Variants in MCC observed in about 807,000 individuals in gnomAD.
MCC encodes colorectal mutant cancer protein.
MCC carries 90 observed loss-of-function variants against 116.2 expected under a neutral mutation model. The ratio of observed to expected loss-of-function variants is 0.77; its 90% CI spans 0.65 to 0.92. The LOEUF (loss-of-function observed/expected upper bound fraction) is 0.92, where lower values mean the gene tolerates loss of function less well. Ranked by LOEUF, MCC falls within the 40% of genes least tolerant of loss-of-function variation. The pLI, the probability that MCC is intolerant of heterozygous loss-of-function variation, is 0.00. For synonymous variants in MCC, 578 were observed against 510.5 expected, an observed-to-expected ratio of 1.13 and a Z score of -1.78; for missense variants, 1,516 against 1,312.2, an observed-to-expected ratio of 1.16 and a Z score of -2.40.
intron 15 of MCC, 84 bp downstream of exon 15, chr5:113,053,641 C>T (rs963915525): frequency 1.0e-6 from 1 of 964,226 alleles, no homozygotes; most frequent in South Asian, 1.5e-5. Flanking sequence ...GTTGATTCCT[C>T]CTTATCTGCT....
chr5:113,167,024 A>G (rs936715440), intron 3 of MCC, among the ~76,000 whole-genome samples: 4 of 152,174 alleles, frequency 2.6e-5, no homozygotes, highest in African/African-American at 9.7e-5. Flanking sequence ...AAACCTTTCC[A>G]GTCGGGGCGA....
chr5:113,284,946 C>T (rs535402876), intron 3 of MCC, among the ~76,000 whole-genome samples: 1 of 152,210 alleles, frequency 6.6e-6, no homozygotes, highest in South Asian at 2.1e-4. Context: ...ATTCAAAACC[C>T]ACCTATATTA....
intron 3 of MCC, among the ~76,000 whole-genome samples, chr5:113,187,313 T>C (rs1210603970): frequency 6.6e-6 from 1 of 152,204 alleles, no homozygotes; most frequent in Non-Finnish European, 1.5e-5. Flanking sequence ...TTTGCCATGT[T>C]GGCCAGGCTC....
chr5:113,371,468 C>T (rs1190131265), intron 2 of MCC, among the ~76,000 whole-genome samples: 2 of 152,130 alleles, frequency 1.3e-5, no homozygotes, highest in Non-Finnish European at 2.9e-5. Flanking sequence ...AAAGAAAACA[C>T]TATAATTATA....
Position 113,488,331 on chromosome 5 carries a change from G to A in MCC, c.84C>T (p.Ser28=), listed in dbSNP as rs758641370. Residue 28 remains serine, a synonymous_variant, in exon 1 of 19, where the codon AGC becomes AGT. Coordinates refer to ENST00000408903, the MANE Select transcript of MCC (RefSeq NM_001085377.2). ...GGGGSGSSSS[S]SDTSSTGEEE... is the part of the protein sequence containing the mutation. ...CCTCGCCGGTGCTGGACGTGTCGCT[G>A]CTGCTGCTGCTGCTGCCGCTGCCGC... 17 of 1,451,598 alleles carry A rather than the reference G, an allele frequency of 1.2e-5. No homozygotes were observed. The highest frequency in any genetic ancestry group is 2.4e-5 in the Admixed American group (1 of 41,456). 89.9% of individuals were successfully genotyped at this position (1,451,598 alleles called of 1,614,324 possible). A position where few individuals can be genotyped will look rare whatever the true frequency, so the allele number is the denominator to read the frequency against.
In MCC at chr5:113,046,705, AAAAAAAG is replaced by A. The variant is rs1580917227; in HGVS notation, c.2655+2381_2655+2387del. 2.8e-5 allele frequency among the ~76,000 whole-genome samples: 4 copies of A among 141,188 alleles called. 1 individual carries two copies. In the East Asian group the frequency reaches 8.2e-4, roughly 29 times the overall value. 92.6% of individuals were successfully genotyped at this position (141,188 alleles called of 152,430 possible). ...AAAGGCAAAAAAAAAAAAAAAAAAA[AAAAAAAG>A]AGAGAGATTTTGAAGGTGTTTGTAT... On this transcript the variant is annotated intron_variant, in intron 16 of 18. Coordinates refer to ENST00000408903, the MANE Select transcript of MCC (RefSeq NM_001085377.2).
At chr5:113,275,491 G>T (rs1765787561) in intron 3 of MCC, among the ~76,000 whole-genome samples, 1 of 152,126 alleles carries the variant, frequency 6.6e-6, no homozygotes, top group South Asian at 2.1e-4. Context: ...AGCTACCTCT[G>T]TGATTAAAAA....
At chr5:113,322,295 G>A (rs1767439899) in intron 3 of MCC, among the ~76,000 whole-genome samples, 1 of 152,094 alleles carries the variant, frequency 6.6e-6, no homozygotes, top group Non-Finnish European at 1.5e-5. Context: ...CAGTTTGACT[G>A]CACACTTTTC....
intron 3 of MCC, among the ~76,000 whole-genome samples, chr5:113,190,667 CACA>C (rs1561442831): frequency 1.3e-5 from 2 of 152,100 alleles, no homozygotes; most frequent in South Asian, 2.1e-4. Flanking sequence ...CAGGAGCTAG[CACA>C]ACAATACAGA....
chr5:113,146,508 ACCAAAGAGAGCTAGGAAAGC>A (rs1235836548), intron 4 of MCC, among the ~76,000 whole-genome samples: 1 of 151,856 alleles, frequency 6.6e-6, no homozygotes, highest in African/African-American at 2.4e-5. Context: ...GCCTTATGAT[ACCAAAGAGAGCTAGGAAAGC>A]CCAAAGAGCT....
At chr5:113,426,961 A>C (rs1770501491) in intron 1 of MCC, among the ~76,000 whole-genome samples, 1 of 152,156 alleles carries the variant, frequency 6.6e-6, no homozygotes, top group African/African-American at 2.4e-5. Flanking sequence ...ACTCATCCTC[A>C]AAATAGCCTT....
At chr5:113,307,987 T>C (rs202166682) in intron 3 of MCC, among the ~76,000 whole-genome samples, 23 of 151,922 alleles carry the variant, frequency 1.5e-4, no homozygotes, top group Middle Eastern at 3.4e-3. Flanking sequence ...TTTTTTTTTT[T>C]CTAAAGACAG....
chr5:113,028,776 A>T (rs1048056381), intron 18 of MCC, among the ~76,000 whole-genome samples, 158 bp downstream of exon 18: 2 of 152,220 alleles, frequency 1.3e-5, no homozygotes, highest in African/African-American at 4.8e-5. Context: ...AAGGAAGACC[A>T]GGCTCTTAGA....
chr5:113,470,557 A>C lies in MCC; in HGVS notation c.170+17688T>G, dbSNP rs181359935. ...AGTTTCTGCCGAGAGATCAGCTGTT[A>C]GTCTGATGGGCTTCCCTTTGTGGGT... On this transcript the variant is annotated intron_variant, in intron 1 of 18. Coordinates refer to ENST00000408903, the MANE Select transcript of MCC (RefSeq NM_001085377.2). Among the ~76,000 whole-genome samples the C allele has an allele frequency of 3.1e-3, 479 of 152,284 alleles. 1 individual carries two copies. The highest frequency in any genetic ancestry group is 5.6e-3 in the South Asian group (27 of 4,820).
At position 113,047,735 on chromosome 5, in the gene MCC, G is replaced by C. The variant is rs538152621; in HGVS notation, c.2655+1358C>G. On this transcript the variant is annotated intron_variant, in intron 16 of 18. Transcript: ENST00000408903. Reference sequence around the variant, plus strand: ...ATGCACAGAATATAGATGACCCTTGGACAAGGGATATAATTCTTTAGAGTC... The same window carrying C: ...ATGCACAGAATATAGATGACCCTTGCACAAGGGATATAATTCTTTAGAGTC... Among the ~76,000 whole-genome samples the C allele has an allele frequency of 2.0e-5, 3 of 151,878 alleles. No homozygotes were observed. The South Asian group carries it at 6.2e-4, about 32-fold the overall frequency.
chr5:113,448,106 C>G (rs10035558), intron 1 of MCC: 1 of 152,220 alleles, frequency 6.6e-6, no homozygotes, highest in Non-Finnish European at 1.5e-5. Context: ...ACACATAACG[C>G]ACATTAAATC....
At chr5:113,346,354 T>C (rs1768132590) in intron 2 of MCC, among the ~76,000 whole-genome samples, 1 of 152,038 alleles carries the variant, frequency 6.6e-6, no homozygotes, top group African/African-American at 2.4e-5. Flanking sequence ...TCCCAGCACT[T>C]TGGGAGGCCG....
intron 3 of MCC, among the ~76,000 whole-genome samples, chr5:113,222,786 C>T (rs1763598803): frequency 2.0e-5 from 3 of 152,300 alleles, no homozygotes; most frequent in South Asian, 4.1e-4. Context: ...GACCAAGATA[C>T]AACCCCTATC....
rs183502061 is a variant in MCC, at chr5:113,079,975, A to T, written c.1784+2885T>A. 3.0e-3 allele frequency among the ~76,000 whole-genome samples: 458 copies of T among 152,356 alleles called. 1 individual carries two copies. Among genetic ancestry groups the T allele is most frequent in the Non-Finnish European group, 4.9e-3 (330 of 68,032 alleles). ...TTACAAGACAAAATCAAACAACCCC[A>T]TCAAAAAGTGGGTGAAGGATATGAA... On this transcript the variant is annotated intron_variant, in intron 11 of 18. Coordinates refer to ENST00000408903, the MANE Select transcript of MCC (RefSeq NM_001085377.2).
Sources: allele counts gnomAD v4.1 joint callset (sites outside exome capture counted in the v4.1 genomes callset), GRCh38; gene constraint gnomAD v4.1.1; transcripts MANE v1.5; gene names NCBI Gene and HGNC (gene_info 2026-07-23, HGNC 2026-07-21).